The following VPS37B variants were observed in gnomAD, a reference collection of about 807,000 sequenced individuals.
VPS37B encodes VPS37B subunit of ESCRT-I.
A neutral mutation model predicts 21.2 loss-of-function variants in VPS37B; 11 were observed. The observed-to-expected ratio is 0.52, with a 90% CI of 0.33 to 0.86. The LOEUF is 0.86. VPS37B is among the 40% of genes least tolerant of loss of function. The pLI is 0.03. For synonymous variants in VPS37B, 175 were observed against 159.6 expected (o/e 1.10, Z -0.73); for missense variants, 389 against 374.8 (o/e 1.04, Z -0.31).
chr12:122,893,814 A>G (rs957803627), intron 1 of VPS37B, among the ~76,000 whole-genome samples: 6 of 97,058 alleles, frequency 6.2e-5, no homozygotes, highest in African/African-American at 2.4e-4. Flanking sequence ...TATGAAGGTC[A>G]CTTTTACTCA....
chr12:122,871,766 G>T, intron 1 of VPS37B: 1 of 964,972 alleles, frequency 1.0e-6, no homozygotes, highest in Non-Finnish European at 1.2e-6. Flanking sequence ...GAAGCCACAT[G>T]CCCAGAACTT....
intron 1 of VPS37B, chr12:122,886,179 G>A (rs770740770): frequency 2.0e-5 from 3 of 152,156 alleles, no homozygotes; most frequent in Non-Finnish European, 4.4e-5. Flanking sequence ...AAGCAGATGG[G>A]TATGTTTCTC....
chr12:122,895,120 C>T (rs1024897476), intron 1 of VPS37B, among the ~76,000 whole-genome samples: 3 of 152,078 alleles, frequency 2.0e-5, no homozygotes, highest in African/African-American at 7.2e-5. Context: ...ATTGGGACCC[C>T]TTAGATACAT....
At chr12:122,874,782 C>G (rs1231476817) in intron 1 of VPS37B, 2 of 151,910 alleles carry the variant, frequency 1.3e-5, no homozygotes, top group East Asian at 3.9e-4. Context: ...GACCCCTTCT[C>G]TAAGAAAAAT....
intron 1 of VPS37B, among the ~76,000 whole-genome samples, chr12:122,890,882 T>C (rs538850828): frequency 1.9e-4 from 29 of 152,332 alleles, no homozygotes; most frequent in African/African-American, 6.5e-4. Context: ...GTCCTACTTG[T>C]GTATCTATCC....
chr12:122,871,600 T>C (rs2034035632), intron 1 of VPS37B: 1 of 985,628 alleles, frequency 1.0e-6, no homozygotes, highest in African/African-American at 1.7e-5. Flanking sequence ...GTCTCTCCCA[T>C]GCCCACCCCA....
chr12:122,880,660 G>A (rs2034233494), intron 1 of VPS37B: 1 of 149,568 alleles, frequency 6.7e-6, no homozygotes, highest in Non-Finnish European at 1.5e-5. Context: ...GTGAGGCACT[G>A]ATCTCCACAG....
intron 1 of VPS37B, among the ~76,000 whole-genome samples, chr12:122,895,381 C>T (rs1300634960): frequency 2.0e-5 from 3 of 150,686 alleles, no homozygotes; most frequent in Admixed American, 6.6e-5. Flanking sequence ...TGGTTGTCCC[C>T]AACCTTTCCT....
chr12:122,893,586 C>T (rs910160653), intron 1 of VPS37B, among the ~76,000 whole-genome samples: 10 of 152,160 alleles, frequency 6.6e-5, no homozygotes, highest in African/African-American at 9.7e-5. Flanking sequence ...GTTCACATTA[C>T]ACCCATTCCG....
At chr12:122,877,338 T>C (rs1300890756) in intron 1 of VPS37B, 1 of 152,258 alleles carries the variant, frequency 6.6e-6, no homozygotes, top group Non-Finnish European at 1.5e-5. Context: ...ATAGTATTTA[T>C]GCAAAGTAAA....
Position 122,867,515 on chromosome 12 carries a change from C to T in VPS37B, c.459G>A (p.Arg153=). ...TCTCCTGGAGCTTCTCGATTTTCAC[C>T]CGTCGCATGTGGGCCAGTTTCCGTT... is the stretch of plus-strand genomic sequence containing the variant. ...QSKRKLAHMR[R]VKIEKLQEMV... is the part of the protein sequence containing the mutation. The change falls in exon 4 of 4, where the codon CGG becomes CGA. Residue 153 remains arginine (R), a synonymous_variant. Transcript: ENST00000267202. The surrounding 1 kb of genome is among the most constrained non-coding windows in gnomAD (Gnocchi z 5.5). 1 of 1,614,094 alleles carries T rather than the reference C, an allele frequency of 6.2e-7. No individual in the cohort carries two copies. The highest frequency in any genetic ancestry group is 1.1e-5 in the South Asian group (1 of 91,090).
intron 1 of VPS37B, chr12:122,871,592 C>T (rs1219717918): frequency 1.0e-6 from 1 of 985,560 alleles, no homozygotes; most frequent in African/African-American, 1.7e-5. Context: ...GTTCCTCTGT[C>T]TCTCCCATGC....
rs370211610 is a variant in VPS37B at position 122,867,252 on chromosome 12, G to A, written c.722C>T (p.Pro241Leu). Residue 241 changes from proline (P) to leucine (L), a missense_variant, in exon 4 of 4, where the codon CCG (proline) becomes CTG (leucine). By Grantham distance (98) the Pro-to-Leu change is moderately conservative (BLOSUM62 -3). Transcript: ENST00000267202. This position sits in a 1 kb window ranked among gnomAD's most constrained non-coding sequence, Gnocchi z 5.5. The part of the protein sequence containing the change: ...QAVPYPGLQC[P>L]PLPPRVGLPT... ...GAGGCCCACGCGGGGGGGCAGGGGC[G>A]GGCACTGTAATCCTGGGTACGGCAC... 25 of 1,570,418 alleles carry A rather than the reference G, an allele frequency of 1.6e-5. No homozygotes were observed. The highest frequency in any genetic ancestry group is 1.1e-4 in the African/African-American group (8 of 73,352).
chr12:122,877,135 A>C (rs534115351), intron 1 of VPS37B: 1 of 152,300 alleles, frequency 6.6e-6, no homozygotes, highest in Admixed American at 6.5e-5. Flanking sequence ...CCCCCTTCAC[A>C]CTGTAATATA....
Position 122,895,218 on chromosome 12 carries a change from A to G in VPS37B, c.111+734T>C, listed in dbSNP as rs115983005. Among the ~76,000 whole-genome samples, 604 of 152,064 alleles carry G rather than the reference A, an allele frequency of 4.0e-3. 5 individuals carry two copies. Among genetic ancestry groups the G allele is most frequent in the African/African-American group, 0.014 (566 of 41,450 alleles). On this transcript the variant is annotated intron_variant, in intron 1 of 3. Coordinates refer to ENST00000267202, the MANE Select transcript of VPS37B (RefSeq NM_024667.3). ...CTGGGGACCCTCGCCCAACCCTTAA[A>G]GAGCCTCAGAACCACCTCATAGACT... is the stretch of plus-strand genomic sequence containing the variant.
At position 122,896,113 on chromosome 12, in the gene VPS37B, C is replaced by T. The variant is rs762473521; in HGVS notation, c.-51G>A. ...CCGCCGCTGCGGCCACCAGGCTCCG[C>T]CGACCGGAAGCGCCGCCCTCAAGGG... On this transcript the variant is annotated 5_prime_UTR_variant, in exon 1 of 4. Coordinates refer to ENST00000267202, the MANE Select transcript of VPS37B (RefSeq NM_024667.3). The T allele has an allele frequency of 1.1e-5, 16 of 1,457,282 alleles. No homozygotes were observed. The highest frequency in any genetic ancestry group is 1.4e-5 in the Non-Finnish European group (16 of 1,108,068). The allele number at this position is 1,457,282 out of a possible 1,614,324, so 90.3% of individuals were successfully genotyped here.
At chr12:122,883,924 A>G (rs1264063004) in intron 1 of VPS37B, 1 of 152,284 alleles carries the variant, frequency 6.6e-6, no homozygotes, top group Admixed American at 6.5e-5. Context: ...AAAATGTCCT[A>G]ACTGGCTTCA....
intron 1 of VPS37B, chr12:122,873,865 A>G (rs1245880667): frequency 1.3e-5 from 2 of 152,234 alleles, no homozygotes; most frequent in Non-Finnish European, 1.5e-5. Flanking sequence ...CACATCTGCC[A>G]CTCAGTGAAG....
intron 1 of VPS37B, chr12:122,888,859 G>A (rs1247907659): frequency 6.7e-6 from 2 of 297,286 alleles, no homozygotes; most frequent in African/African-American, 4.4e-5. Flanking sequence ...CTGTCTCCAA[G>A]CAGAGCATTC....
Sources: gnomAD v4.1 joint callset for allele counts (sites outside exome capture counted in the v4.1 genomes callset) on GRCh38, gnomAD v4.1.1 for gene constraint, Gnocchi (gnomAD v3.1) non-coding constraint, MANE v1.5 for transcripts, NCBI Gene and HGNC (gene_info 2026-07-23, HGNC 2026-07-21) for gene names.